Variants in CNOT4 observed in about 807,000 individuals in gnomAD.
The protein encoded by CNOT4 is CCR4-associated factor 4.
Under a neutral mutation model 73.8 loss-of-function variants are expected in CNOT4, and 8 were observed. The ratio of observed to expected loss-of-function variants is 0.11; its 90% CI spans 0.06 to 0.20. The LOEUF is 0.20. Among genes scored for constraint, CNOT4 ranks in the 10% least tolerant of loss-of-function variants. CNOT4 has a pLI of 1.00. For synonymous variants in CNOT4, 293 were observed against 321.1 expected, an observed-to-expected ratio of 0.91 and a Z score of 0.94; for missense variants, 564 against 883.4, an observed-to-expected ratio of 0.64 and a Z score of 4.58.
At chr7:135,490,130 T>C (rs1206157148) in intron 1 of CNOT4, among the ~76,000 whole-genome samples, 1 of 152,238 alleles carries the variant, frequency 6.6e-6, no homozygotes, top group African/African-American at 2.4e-5. Flanking sequence ...GTTCATTTTC[T>C]TCACAATTTC....
At chr7:135,470,194 A>G (rs923888719) in intron 1 of CNOT4, among the ~76,000 whole-genome samples, 1 of 151,738 alleles carries the variant, frequency 6.6e-6, no homozygotes, top group African/African-American at 2.4e-5. Context: ...CAGTGGTGCA[A>G]TTATGGCTCA....
At chr7:135,463,187 TG>T (rs1179893514) in intron 1 of CNOT4, among the ~76,000 whole-genome samples, 2 of 152,116 alleles carry the variant, frequency 1.3e-5, no homozygotes, top group Admixed American at 1.3e-4. Context: ...CCTTATACCA[TG>T]CACAAAAACT....
At chr7:135,485,219 C>T (rs1269928072) in intron 1 of CNOT4, among the ~76,000 whole-genome samples, 4 of 152,040 alleles carry the variant, frequency 2.6e-5, no homozygotes, top group Non-Finnish European at 5.9e-5. Flanking sequence ...ATTACAGGTG[C>T]GTGCCGCCAC....
chr7:135,380,108 A>C (rs1347800041), intron 10 of CNOT4, among the ~76,000 whole-genome samples: 1 of 152,188 alleles, frequency 6.6e-6, no homozygotes, highest in East Asian at 1.9e-4. Flanking sequence ...TGAAAACAAC[A>C]ACTTCCTTGA....
chr7:135,427,467 T>C (rs751083588), intron 2 of CNOT4, among the ~76,000 whole-genome samples: 5 of 152,190 alleles, frequency 3.3e-5, no homozygotes, highest in Non-Finnish European at 7.4e-5. Context: ...TGTTTTCTAA[T>C]AAATGTATTC....
rs1362165454 is a variant in CNOT4, at chr7:135,394,425, A to C, written c.1130-10T>G. 6.3e-7 allele frequency: 1 copy of C among 1,585,702 alleles called. No individual in the cohort carries two copies. Among genetic ancestry groups the C allele is most frequent in the South Asian group, 1.1e-5 (1 of 87,536 alleles). On this transcript the variant is annotated splice_polypyrimidine_tract_variant and intron_variant, in intron 9 of 11. Coordinates refer to ENST00000541284, the MANE Select transcript of CNOT4 (RefSeq NM_001190850.2). ...GATACTGGGATTGTTTCTGTTGGGA[A>C]GAAAAATAGTGATGAATATCAGATA... is the stretch of plus-strand genomic sequence containing the variant.
chr7:135,412,092 T>C (rs1797616978), intron 6 of CNOT4, among the ~76,000 whole-genome samples: 1 of 151,944 alleles, frequency 6.6e-6, no homozygotes, highest in Admixed American at 6.6e-5. Context: ...TAAAAATACA[T>C]TAGATGTGAA....
rs766333798 is a variant in CNOT4, at chr7:135,393,992, G to A, written c.1553C>T (p.Thr518Ile). Residue 518 changes from threonine (T) to isoleucine (I), a missense_variant, in exon 10 of 12, where the codon ACC (threonine) becomes ATC (isoleucine). Thr to Ile is a moderately conservative substitution (Grantham distance 89). Transcript: ENST00000541284. ...CAAGTCCAAGAAATTACTATTTGAG[G>A]TGGGGTTTGCTGTGTGGTTCAAGTG... ...IMHLNHTANP[T>I]SNSNFLDLNL... 1 of 1,613,990 alleles carries A rather than the reference G, an allele frequency of 6.2e-7. No individual in the cohort carries two copies. Among genetic ancestry groups the A allele is most frequent in the Non-Finnish European group, 8.5e-7 (1 of 1,179,868 alleles).
chr7:135,452,342 G>A (rs1800226485), intron 1 of CNOT4, among the ~76,000 whole-genome samples: 1 of 152,124 alleles, frequency 6.6e-6, no homozygotes, highest in African/African-American at 2.4e-5. Context: ...GGCCAAGGCA[G>A]GTGGATCACC....
chr7:135,471,266 T>C (rs988007153), intron 1 of CNOT4, among the ~76,000 whole-genome samples: 4 of 151,536 alleles, frequency 2.6e-5, no homozygotes, highest in African/African-American at 9.7e-5. Context: ...TAAGAGATTC[T>C]GATTAAAAAA....
chr7:135,510,101 C>G lies in CNOT4; in HGVS notation c.-305G>C. On this transcript the variant is annotated 5_prime_UTR_variant, in exon 1 of 12. Transcript: ENST00000541284. ...CATCTTACATTAGGGTAAGACTCCT[C>G]CGGCCTCCCGTGCGCAGGCGCACGC... 2.5e-6 allele frequency: 1 copy of G among 399,022 alleles called. No homozygotes were observed. Among genetic ancestry groups the G allele is most frequent in the East Asian group, 3.6e-5 (1 of 28,050 alleles). 24.7% of individuals were successfully genotyped at this position (399,022 alleles called of 1,614,324 possible).
rs555438464 is a variant in CNOT4, at chr7:135,444,887, C to T, written c.-92-6464G>A. On this transcript the variant is annotated intron_variant, in intron 1 of 11. Coordinates refer to ENST00000541284, the MANE Select transcript of CNOT4 (RefSeq NM_001190850.2). ...CTGGGCTTTGCTATTTCAACTATCA[C>T]GATGTGGGCATCTGCAAAGCTGTTG... 9.1e-5 allele frequency: 145 copies of T among 1,596,184 alleles called. 1 individual carries two copies. In the East Asian group the frequency reaches 1.7e-3, roughly 19 times the overall value.
At chr7:135,455,178 G>A (rs1800444863) in intron 1 of CNOT4, among the ~76,000 whole-genome samples, 1 of 151,982 alleles carries the variant, frequency 6.6e-6, no homozygotes, top group African/African-American at 2.4e-5. Context: ...GGAGGCTGAG[G>A]TGGAAGGATC....
intron 2 of CNOT4, among the ~76,000 whole-genome samples, chr7:135,423,238 C>T (rs1216377784): frequency 1.3e-5 from 2 of 151,338 alleles, no homozygotes; most frequent in Non-Finnish European, 2.9e-5. Flanking sequence ...CATAGGGGCA[C>T]ATTAAATGCC....
chr7:135,433,037 T>C (rs1210384095), intron 2 of CNOT4, among the ~76,000 whole-genome samples: 1 of 152,214 alleles, frequency 6.6e-6, no homozygotes, highest in Non-Finnish European at 1.5e-5. Context: ...AAATGTGTTC[T>C]TTGGTTCTGG....
chr7:135,482,986 CAAAAAAA>C (rs36125617), intron 1 of CNOT4, among the ~76,000 whole-genome samples: 19 of 43,520 alleles, frequency 4.4e-4, no homozygotes, highest in African/African-American at 1.7e-3. Flanking sequence ...GACTCCATAT[CAAAAAAA>C]AAAAAAAAAA....
chr7:135,446,390 A>C (rs1286619753), intron 1 of CNOT4, among the ~76,000 whole-genome samples: 1 of 152,220 alleles, frequency 6.6e-6, no homozygotes, highest in Non-Finnish European at 1.5e-5. Context: ...TGAACTGTAC[A>C]TTTGAAAATG....
intron 1 of CNOT4, among the ~76,000 whole-genome samples, chr7:135,443,947 G>A (rs186257653): frequency 3.0e-4 from 45 of 151,778 alleles, no homozygotes; most frequent in African/African-American, 9.4e-4. Context: ...CCAGGGGTTC[G>A]AGACCAGCCT....
intron 10 of CNOT4, among the ~76,000 whole-genome samples, chr7:135,385,992 A>G (rs901419932): frequency 6.6e-6 from 1 of 152,182 alleles, no homozygotes; most frequent in Non-Finnish European, 1.5e-5. Flanking sequence ...AAAATTCAAT[A>G]ATAGAATGAA....
Sources: allele counts gnomAD v4.1 joint callset (sites outside exome capture counted in the v4.1 genomes callset), GRCh38; gene constraint gnomAD v4.1.1; transcripts MANE v1.5; gene names NCBI Gene and HGNC (gene_info 2026-07-23, HGNC 2026-07-21).